The following ZNF891 variants were observed in gnomAD, a reference collection of about 807,000 sequenced individuals.
ZNF891 encodes the protein zinc finger protein 891.
For synonymous variants in ZNF891, 199 were observed against 209.0 expected (o/e 0.95, Z 0.41); for missense variants, 589 against 632.7 (o/e 0.93, Z 0.74).
chr12:133,120,296 T>C lies in ZNF891; in HGVS notation c.1623A>G (p.Arg541=). The change falls in exon 2 of 2, where the codon AGA becomes AGG. Residue 541 remains arginine, a synonymous_variant. Transcript: ENST00000537226. ...ACATTCATAACACTTACAGGGTTTC[T>C]CTCTCAGTATGAATTCTCTTGTGTA... ...LIIHKRIHTE[R]ETL The C allele has an allele frequency of 6.5e-7, 1 of 1,534,664 alleles. No homozygotes were observed. Among genetic ancestry groups the C allele is most frequent in the South Asian group, 1.2e-5 (1 of 83,988 alleles).
chr12:133,120,290 G>C lies in ZNF891; in HGVS notation c.1629C>G (p.Thr543=), dbSNP rs542749830. ...IHKRIHTERE[T]L is the part of the protein sequence containing the mutation. ...AATTCCACATTCATAACACTTACAGGGTTTCTCTCTCAGTATGAATTCTCT... is the reference window on the plus strand; with the variant it reads ...AATTCCACATTCATAACACTTACAGCGTTTCTCTCTCAGTATGAATTCTCT... Residue 543 remains threonine (T), a synonymous_variant, in exon 2 of 2, where the codon ACC becomes ACG. Coordinates refer to ENST00000537226, the MANE Select transcript of ZNF891 (RefSeq NM_001277291.2). 1 of 1,531,308 alleles carries C rather than the reference G, an allele frequency of 6.5e-7. No individual in the cohort carries two copies. The highest frequency in any genetic ancestry group is 1.4e-5 in the African/African-American group (1 of 72,644). The allele number at this position is 1,531,308 out of a possible 1,614,324, so 94.9% of individuals were successfully genotyped here. A position where few individuals can be genotyped will look rare whatever the true frequency, so the allele number is the denominator to read the frequency against.
chr12:133,114,204 G>C lies in ZNF891; in HGVS notation c.*6080C>G, dbSNP rs982997155. On this transcript the variant is annotated 3_prime_UTR_variant, in exon 2 of 2. Coordinates refer to ENST00000537226, the MANE Select transcript of ZNF891 (RefSeq NM_001277291.2). ...TGGTGGTGAGTGGGATGAGGGAAGA[G>C]AGGAGAAGGACTAGGAGAGGGACAT... The C allele has an allele frequency of 1.3e-5, 2 of 152,130 alleles. No individual in the cohort carries two copies. The highest frequency in any genetic ancestry group is 4.8e-5 in the African/African-American group (2 of 41,440). The allele number at this position is 152,130 out of a possible 1,614,324, so 9.4% of individuals were successfully genotyped here.
At chr12:133,127,822 CTG>C (rs1333433734) in intron 1 of ZNF891, among the ~76,000 whole-genome samples, 3 of 152,154 alleles carry the variant, frequency 2.0e-5, no homozygotes, top group Non-Finnish European at 2.9e-5. Context: ...AGTGATAAGA[CTG>C]TATGACAGAT....
Position 133,114,551 on chromosome 12 carries a change from A to T in ZNF891, c.*5733T>A, listed in dbSNP as rs894221599. 3 of 152,234 alleles carry T rather than the reference A, an allele frequency of 2.0e-5. No homozygotes were observed. The highest frequency in any genetic ancestry group is 4.4e-5 in the Non-Finnish European group (3 of 68,054). 9.4% of individuals were successfully genotyped at this position (152,234 alleles called of 1,614,324 possible). A position where few individuals can be genotyped will look rare whatever the true frequency, so the allele number is the denominator to read the frequency against. On this transcript the variant is annotated 3_prime_UTR_variant, in exon 2 of 2. Coordinates refer to ENST00000537226, the MANE Select transcript of ZNF891 (RefSeq NM_001277291.2). The stretch of plus-strand genomic sequence containing the variant: ...AGAAAAGGCACAAAATTTGCTGAAG[A>T]ACCGTAAATATTTAACTGAACACCT...
chr12:133,106,017 G>T lies in ZNF891; in HGVS notation c.*14267C>A, dbSNP rs570468517. On this transcript the variant is annotated 3_prime_UTR_variant, in exon 2 of 2. Coordinates refer to ENST00000537226, the MANE Select transcript of ZNF891 (RefSeq NM_001277291.2). The stretch of plus-strand genomic sequence containing the variant: ...CACACTGGGGAGAAACCTTATGAAT[G>T]TACTGAGTGTGGAAAGGCCTTTAGC... The T allele has an allele frequency of 6.2e-7, 1 of 1,614,122 alleles. No homozygotes were observed. Among genetic ancestry groups the T allele is most frequent in the Non-Finnish European group, 8.5e-7 (1 of 1,180,040 alleles).
chr12:133,121,604 C>G lies in ZNF891; in HGVS notation c.315G>C (p.Lys105Asn). The G allele has an allele frequency of 6.5e-7, 1 of 1,536,484 alleles. No individual in the cohort carries two copies. The highest frequency in any genetic ancestry group is 8.7e-7 in the Non-Finnish European group (1 of 1,146,992). Residue 105 changes from lysine to asparagine, a missense_variant, in exon 2 of 2, where the codon AAG becomes AAC. Coordinates refer to ENST00000537226, the MANE Select transcript of ZNF891 (RefSeq NM_001277291.2). Reference sequence around the variant, plus strand: ...CTGGACAGATGGCTTGGGGAATTCTCTTTTTCATATTCCTTATCTCTTCTT... The same window carrying G: ...CTGGACAGATGGCTTGGGGAATTCTGTTTTTCATATTCCTTATCTCTTCTT... ...LDQEEIRNMKKRIPQAICPDQ... is the reference protein window; with the variant it reads ...LDQEEIRNMKNRIPQAICPDQ...
intron 1 of ZNF891, chr12:133,125,836 C>A: frequency 2.0e-6 from 1 of 502,128 alleles, no homozygotes. Flanking sequence ...AGCTCTATGA[C>A]ACTGATGTGG....
chr12:133,119,449 A>C lies in ZNF891; in HGVS notation c.*835T>G, dbSNP rs1236801545. On this transcript the variant is annotated 3_prime_UTR_variant, in exon 2 of 2. Coordinates refer to ENST00000537226, the MANE Select transcript of ZNF891 (RefSeq NM_001277291.2). ...TCCCAGCTACTCAGGAGGCTGAGGC[A>C]GGAGAATCACCTGAACCTGGGAGGT... 2 of 152,348 alleles carry C rather than the reference A, an allele frequency of 1.3e-5. No individual in the cohort carries two copies. Among genetic ancestry groups the C allele is most frequent in the Non-Finnish European group, 2.9e-5 (2 of 68,162 alleles). 9.4% of individuals were successfully genotyped at this position (152,348 alleles called of 1,614,324 possible).
intron 1 of ZNF891, chr12:133,125,998 G>A (rs985730527): frequency 1.1e-5 from 4 of 347,860 alleles, no homozygotes; most frequent in East Asian, 6.8e-5. Context: ...CTTCTCATCA[G>A]GAAAAAATAA....
In ZNF891 at chr12:133,112,773, G is replaced by A. The variant is rs1384378639; in HGVS notation, c.*7511C>T. ...CAAAAAGTTTGCCTTTAAAAAGTAG[G>A]AGATAGAAATGGTAAGTTAAAAAAT... is the stretch of plus-strand genomic sequence containing the variant. On this transcript the variant is annotated 3_prime_UTR_variant, in exon 2 of 2. Transcript: ENST00000537226. 6.6e-6 allele frequency: 1 copy of A among 152,216 alleles called. No homozygotes were observed. The highest frequency in any genetic ancestry group is 6.5e-5 in the Admixed American group (1 of 15,276). 9.4% of individuals were successfully genotyped at this position (152,216 alleles called of 1,614,324 possible).
Position 133,120,618 on chromosome 12 carries a change from C to T in ZNF891, c.1301G>A (p.Cys434Tyr), listed in dbSNP as rs766722347. 10 of 1,560,576 alleles carry T rather than the reference C, an allele frequency of 6.4e-6. No homozygotes were observed. In the Admixed American group the frequency reaches 1.9e-4, roughly 30 times the overall value. Residue 434 changes from cysteine to tyrosine, a missense_variant, in exon 2 of 2, where the codon TGC becomes TAC. By Grantham distance (194) the Cys-to-Tyr change is radical. Coordinates refer to ENST00000537226, the MANE Select transcript of ZNF891 (RefSeq NM_001277291.2). The stretch of plus-strand genomic sequence containing the variant: ...GTTGAAGGCTTTTCCACACTCACTG[C>T]ATTCATAGAGTTTTTCTCCAGTGTG... Reference protein sequence around the residue: ...RIHTGEKLYECSECGKAFNTS... With the variant: ...RIHTGEKLYEYSECGKAFNTS...
rs1955682380 is a variant in ZNF891, at chr12:133,111,505, G to A, written c.*8779C>T. 1 of 151,962 alleles carries A rather than the reference G, an allele frequency of 6.6e-6. No individual in the cohort carries two copies. Among genetic ancestry groups the A allele is most frequent in the Non-Finnish European group, 1.5e-5 (1 of 67,994 alleles). The allele number at this position is 151,962 out of a possible 1,614,324, so 9.4% of individuals were successfully genotyped here. The stretch of plus-strand genomic sequence containing the variant: ...AGAGTGAGACACTGTCTCAAAAAAA[G>A]GGAGAAATAAATATTACAGAAATAA... On this transcript the variant is annotated 3_prime_UTR_variant, in exon 2 of 2. Coordinates refer to ENST00000537226, the MANE Select transcript of ZNF891 (RefSeq NM_001277291.2).
In ZNF891 at chr12:133,111,765, A is replaced by G. The variant is rs1448735311; in HGVS notation, c.*8519T>C. On this transcript the variant is annotated 3_prime_UTR_variant, in exon 2 of 2. Transcript: ENST00000537226. The stretch of plus-strand genomic sequence containing the variant: ...GAATTTCCTGTTTATGCTAAAACAA[A>G]TCTCATTGTCTTTTAAAAAGTGAAT... 1 of 152,208 alleles carries G rather than the reference A, an allele frequency of 6.6e-6. No homozygotes were observed. The highest frequency in any genetic ancestry group is 1.5e-5 in the Non-Finnish European group (1 of 68,048). 9.4% of individuals were successfully genotyped at this position (152,208 alleles called of 1,614,324 possible).
Position 133,106,688 on chromosome 12 carries a change from T to C in ZNF891, c.*13596A>G. 4 of 1,502,190 alleles carry C rather than the reference T, an allele frequency of 2.7e-6. No homozygotes were observed. Among genetic ancestry groups the C allele is most frequent in the Non-Finnish European group, 3.5e-6 (4 of 1,128,652 alleles). The allele number at this position is 1,502,190 out of a possible 1,614,324, so 93.1% of individuals were successfully genotyped here. ...AAAGAAAAACTATGAATGTATGGAA[T>C]TTTTTAAAAAGAAGTATAATGCCTT... On this transcript the variant is annotated 3_prime_UTR_variant, in exon 2 of 2. Transcript: ENST00000537226.
intron 1 of ZNF891, among the ~76,000 whole-genome samples, chr12:133,129,313 C>T (rs1266982406): frequency 2.0e-5 from 3 of 151,896 alleles, no homozygotes; most frequent in African/African-American, 7.3e-5. Flanking sequence ...ACCAGCCTGA[C>T]CAACATGGAG....
rs758495975 is a variant in ZNF891, at chr12:133,120,848, G to A, written c.1071C>T (p.Phe357=). The change falls in exon 2 of 2, where the codon TTC becomes TTT. Residue 357 remains phenylalanine, a synonymous_variant. Transcript: ENST00000537226. ...GTCTCCTTAAGGTTGAGGAATCATT[G>A]AACACTTTACCACATTCTTTACATT... The part of the protein sequence containing the change: ...QYECKECGKV[F]NDSSTLRRHV... 9 of 1,550,802 alleles carry A rather than the reference G, an allele frequency of 5.8e-6. No homozygotes were observed. The Admixed American group carries it at 1.7e-4, about 30-fold the overall frequency.
chr12:133,128,387 T>G (rs1453658612), intron 1 of ZNF891, among the ~76,000 whole-genome samples: 1 of 152,170 alleles, frequency 6.6e-6, no homozygotes, highest in African/African-American at 2.4e-5. Flanking sequence ...ATCCTAGCAC[T>G]TTGGGAGGCC....
chr12:133,105,745 T>G lies in ZNF891; in HGVS notation c.*14539A>C, dbSNP rs1218213274. 6.2e-7 allele frequency: 1 copy of G among 1,614,086 alleles called. No individual in the cohort carries two copies. The highest frequency in any genetic ancestry group is 1.3e-5 in the African/African-American group (1 of 74,934). ...TGGCTCAACATATGAATATCAGTAC[T>G]GTGGAGAGGCCCTATGGATGCCATG... On this transcript the variant is annotated 3_prime_UTR_variant, in exon 2 of 2. Transcript: ENST00000537226.
At position 133,105,435 on chromosome 12, in the gene ZNF891, AAAG is replaced by A; in HGVS notation, c.*14846_*14848del. ...TTTTTTGAAACTTCATTCTGTTGCT[AAAG>A]AAGGGAGAAATGGCCTTATTTTATT... is the stretch of plus-strand genomic sequence containing the variant. On this transcript the variant is annotated 3_prime_UTR_variant, in exon 2 of 2. Coordinates refer to ENST00000537226, the MANE Select transcript of ZNF891 (RefSeq NM_001277291.2). The A allele has an allele frequency of 7.0e-7, 1 of 1,422,516 alleles. No homozygotes were observed. The highest frequency in any genetic ancestry group is 9.3e-7 in the Non-Finnish European group (1 of 1,072,218). 88.1% of individuals were successfully genotyped at this position (1,422,516 alleles called of 1,614,324 possible).
Sources: allele counts gnomAD v4.1 joint callset (sites outside exome capture counted in the v4.1 genomes callset), GRCh38; gene constraint gnomAD v4.1.1; transcripts MANE v1.5; gene names NCBI Gene and HGNC (gene_info 2026-07-23, HGNC 2026-07-21).